Variants in SPTSSA observed in about 807,000 individuals in gnomAD.
SPTSSA encodes the protein small subunit of serine palmitoyltransferase A.
A neutral mutation model predicts 9.1 loss-of-function variants in SPTSSA; 8 were observed. The observed-to-expected ratio is 0.88, with a 90% CI of 0.51 to 1.58. The LOEUF is 1.58. SPTSSA is among the 40% of genes most tolerant of loss of function. The pLI, the probability that SPTSSA is intolerant of heterozygous loss-of-function variation, is 0.00. For missense variants in SPTSSA, 100 were observed against 93.8 expected (o/e 1.07, Z -0.27); for synonymous variants, 42 against 37.7 (o/e 1.11, Z -0.41).
At chr14:34,448,485 A>G (rs1045906906) in intron 1 of SPTSSA, among the ~76,000 whole-genome samples, 3 of 152,196 alleles carry the variant, frequency 2.0e-5, no homozygotes, top group African/African-American at 7.2e-5. Flanking sequence ...CACTTCAGCT[A>G]TAACAGGAAA....
chr14:34,437,415 C>T (rs566872577), intron 1 of SPTSSA, among the ~76,000 whole-genome samples: 2 of 152,330 alleles, frequency 1.3e-5, no homozygotes, highest in South Asian at 2.1e-4. Flanking sequence ...TGCAAACATC[C>T]ACTCTCCTCC....
chr14:34,439,509 A>T (rs1325480572), intron 1 of SPTSSA, among the ~76,000 whole-genome samples: 1 of 152,110 alleles, frequency 6.6e-6, no homozygotes, highest in African/African-American at 2.4e-5. Flanking sequence ...AAAATAAAAA[A>T]AAGAAAGGAG....
At chr14:34,458,209 T>TC (rs1878529721) in intron 1 of SPTSSA, among the ~76,000 whole-genome samples, 2 of 152,034 alleles carry the variant, frequency 1.3e-5, no homozygotes. Context: ...ATTGAGATTT[T>TC]TTTTTCTTTT....
intron 1 of SPTSSA, among the ~76,000 whole-genome samples, chr14:34,459,846 G>C (rs897136807): frequency 1.3e-5 from 2 of 152,280 alleles, no homozygotes. Context: ...TTCTAACTCA[G>C]AGACAAATTT....
At chr14:34,451,666 T>TGAGCC (rs1242456032) in intron 1 of SPTSSA, among the ~76,000 whole-genome samples, 1 of 141,210 alleles carries the variant, frequency 7.1e-6, no homozygotes, top group East Asian at 2.1e-4. Flanking sequence ...GAGCTTGCAG[T>TGAGCC]GAGATCGCGC....
intron 1 of SPTSSA, among the ~76,000 whole-genome samples, chr14:34,444,920 C>T (rs560657173): frequency 2.0e-5 from 3 of 147,994 alleles, no homozygotes; most frequent in Non-Finnish European, 3.0e-5. Flanking sequence ...GGTGAAACCC[C>T]GTCTCAGCTA....
intron 1 of SPTSSA, among the ~76,000 whole-genome samples, chr14:34,451,520 G>T (rs1431669761): frequency 6.6e-6 from 1 of 151,920 alleles, no homozygotes; most frequent in Non-Finnish European, 1.5e-5. Flanking sequence ...TCAGGAGATC[G>T]AGACCGTCCT....
chr14:34,454,550 G>A (rs765798535), intron 1 of SPTSSA, among the ~76,000 whole-genome samples: 1 of 152,188 alleles, frequency 6.6e-6, no homozygotes, highest in Non-Finnish European at 1.5e-5. Flanking sequence ...CAAATATAAA[G>A]GCTAACATGT....
At chr14:34,453,465 T>G (rs957896152) in intron 1 of SPTSSA, among the ~76,000 whole-genome samples, 1 of 152,226 alleles carries the variant, frequency 6.6e-6, no homozygotes, top group African/African-American at 2.4e-5. Flanking sequence ...CTGTCTGTAT[T>G]ACATCAGCAC....
intron 1 of SPTSSA, among the ~76,000 whole-genome samples, chr14:34,439,569 TCCCAACAGTCCAAA>T (rs1186258372): frequency 4.0e-5 from 6 of 150,018 alleles, no homozygotes; most frequent in Middle Eastern, 3.4e-3. Flanking sequence ...CCACTGTACT[TCCCAACAGTCCAAA>T]CCATTCCCTA....
intron 1 of SPTSSA, among the ~76,000 whole-genome samples, chr14:34,457,034 A>G (rs1318239651): frequency 6.6e-6 from 1 of 151,186 alleles, no homozygotes. Flanking sequence ...GCTGGAGTAC[A>G]ATGGCACAAT....
At chr14:34,459,578 C>G (rs1416642731) in intron 1 of SPTSSA, among the ~76,000 whole-genome samples, 3 of 151,482 alleles carry the variant, frequency 2.0e-5, no homozygotes, top group Non-Finnish European at 4.4e-5. Flanking sequence ...GTCAGGAGTT[C>G]GAGACCAGCC....
chr14:34,458,286 A>G (rs7152281), intron 1 of SPTSSA, among the ~76,000 whole-genome samples: 41,158 of 150,430 alleles, frequency 0.27, 6,857 homozygotes, highest in African/African-American at 0.48. Flanking sequence ...TCTGCCTCCC[A>G]GGTTCAAGAG....
chr14:34,454,824 T>G (rs189791874), intron 1 of SPTSSA, among the ~76,000 whole-genome samples: 1 of 152,318 alleles, frequency 6.6e-6, no homozygotes, highest in East Asian at 1.9e-4. Flanking sequence ...CAGTGGCTCA[T>G]GCCTGTAATC....
intron 1 of SPTSSA, among the ~76,000 whole-genome samples, chr14:34,450,610 G>GTGC (rs11405335): frequency 0.23 from 34,849 of 151,986 alleles, 5,603 homozygotes; most frequent in African/African-American, 0.46. Context: ...TAGAGAACAA[G>GTGC]AATAGAATAC....
chr14:34,436,956 A>C (rs1305105075), intron 1 of SPTSSA, among the ~76,000 whole-genome samples: 3 of 151,964 alleles, frequency 2.0e-5, no homozygotes, highest in Admixed American at 2.0e-4. Flanking sequence ...AAAGAGAGAA[A>C]GAAAAATATA....
Position 34,438,968 on chromosome 14 carries a change from G to GGGCTA in SPTSSA, c.113-3665_113-3664insTAGCC, listed in dbSNP as rs1220339859. On this transcript the variant is annotated intron_variant, in intron 1 of 1. Coordinates refer to ENST00000298130, the MANE Select transcript of SPTSSA (RefSeq NM_138288.4). ...CTTTCCGATCTAGCCCCAAATCTTA[G>GGGCTA]GATCCACAGAAGTAGATAGGGACTG... Among the ~76,000 whole-genome samples, 10 of 152,208 alleles carry GGGCTA rather than the reference G, an allele frequency of 6.6e-5. No homozygotes were observed. In the East Asian group the frequency reaches 1.7e-3, roughly 26 times the overall value.
At chr14:34,436,894 A>C (rs1182547450) in intron 1 of SPTSSA, among the ~76,000 whole-genome samples, 2 of 151,992 alleles carry the variant, frequency 1.3e-5, no homozygotes, top group African/African-American at 4.8e-5. Flanking sequence ...CCCTTAATCC[A>C]GTTATTCCTT....
chr14:34,462,046 C>A, intron 1 of SPTSSA, 50 bp downstream of exon 1: 1 of 1,226,296 alleles, frequency 8.2e-7, no homozygotes, highest in South Asian at 2.5e-5. Context: ...TGCGGCCCCG[C>A]GGCCCGCGCC....
Sources: gnomAD v4.1 joint callset for allele counts (sites outside exome capture counted in the v4.1 genomes callset) on GRCh38, gnomAD v4.1.1 for gene constraint, MANE v1.5 for transcripts, NCBI Gene and HGNC (gene_info 2026-07-23, HGNC 2026-07-21) for gene names.